LRRC8A: variants seen among roughly 807,000 people sequenced by gnomAD.
The protein encoded by LRRC8A is volume-regulated anion channel subunit LRRC8A.
A neutral mutation model predicts 52.5 loss-of-function variants in LRRC8A; 24 were observed. That is an observed-to-expected ratio of 0.46 (90% CI 0.33 to 0.64). LRRC8A has a LOEUF of 0.64. LRRC8A is among the 30% of genes least tolerant of loss of function. The probability of loss-of-function intolerance (pLI) is 0.02; values close to 1 mark genes in which losing one functional copy is unlikely to be tolerated. For missense variants in LRRC8A, 677 were observed against 1,094.7 expected, an observed-to-expected ratio of 0.62 and a Z score of 5.38; for synonymous variants, 492 against 494.2, an observed-to-expected ratio of 1.00 and a Z score of 0.06.
chr9:128,883,745 C>T (rs1165014349), intron 1 of LRRC8A, among the ~76,000 whole-genome samples: 5 of 152,120 alleles, frequency 3.3e-5, no homozygotes, highest in African/African-American at 7.2e-5. Flanking sequence ...GAGGCTGAAG[C>T]GGGCAGATCA....
At chr9:128,895,091 T>C (rs2130963637) in intron 2 of LRRC8A, among the ~76,000 whole-genome samples, 1 of 152,344 alleles carries the variant, frequency 6.6e-6, no homozygotes, top group Admixed American at 6.5e-5. Context: ...GTATTTGCCT[T>C]TTATGACTGG....
At position 128,899,303 on chromosome 9, in the gene LRRC8A, C is replaced by G. The variant is rs1037855626; in HGVS notation, c.-8-7854C>G. Among the ~76,000 whole-genome samples, 1 of 152,092 alleles carries G rather than the reference C, an allele frequency of 6.6e-6. No homozygotes were observed. The highest frequency in any genetic ancestry group is 1.5e-5 in the Non-Finnish European group (1 of 68,018). On this transcript the variant is annotated intron_variant, in intron 2 of 3. Transcript: ENST00000372600. The surrounding 1 kb of genome is among the most constrained non-coding windows in gnomAD (Gnocchi z 4.0). ...GCACTTTCCGTAAGGCAGAGATAGCCCAGCCACCCCCACCCCACGCCTCAA... is the reference window on the plus strand; with the variant it reads ...GCACTTTCCGTAAGGCAGAGATAGCGCAGCCACCCCCACCCCACGCCTCAA...
In LRRC8A at chr9:128,910,876, C is replaced by T. The variant is rs77711802; in HGVS notation, c.2157+1555C>T. Among the ~76,000 whole-genome samples the T allele has an allele frequency of 2.3e-3, 349 of 152,314 alleles. 9 individuals carry two copies. In the East Asian group the frequency reaches 0.051, roughly 22 times the overall value. On this transcript the variant is annotated intron_variant, in intron 3 of 3. Transcript: ENST00000372600. ...TCTGCAGCCTCCGTGTGGCAACCCG[C>T]GTTTCTTAGTTCGGTTGTTGCTGTT...
At chr9:128,883,198 C>G (rs1339095475) in intron 1 of LRRC8A, among the ~76,000 whole-genome samples, 1 of 152,178 alleles carries the variant, frequency 6.6e-6, no homozygotes, top group African/African-American at 2.4e-5. Flanking sequence ...TGCCCTACCT[C>G]AGGAAGCCTT....
At chr9:128,884,994 A>G (rs1839333543) in intron 1 of LRRC8A, 1 of 152,282 alleles carries the variant, frequency 6.6e-6, no homozygotes, top group African/African-American at 2.4e-5. Flanking sequence ...TCCCTCCTAG[A>G]TCAGTCCAGG....
chr9:128,896,063 C>G (rs983864001), intron 2 of LRRC8A, among the ~76,000 whole-genome samples: 3 of 152,222 alleles, frequency 2.0e-5, no homozygotes, highest in African/African-American at 7.2e-5. Context: ...AGTCCCTTCC[C>G]CATTTTCTTC....
intron 2 of LRRC8A, among the ~76,000 whole-genome samples, chr9:128,887,104 AT>A (rs34753031): frequency 0.054 from 7,991 of 146,806 alleles, 238 homozygotes; most frequent in Middle Eastern, 0.093. Context: ...AGAAATAGTA[AT>A]TTTTTTTTTT....
chr9:128,910,604 C>T (rs939902715), intron 3 of LRRC8A, among the ~76,000 whole-genome samples: 10 of 152,114 alleles, frequency 6.6e-5, no homozygotes, highest in African/African-American at 1.4e-4. Context: ...GAGGCAGGAT[C>T]GCTTCAGCCT....
Position 128,914,071 on chromosome 9 carries a change from G to A in LRRC8A, c.2158-2025G>A, listed in dbSNP as rs367904142. ...AATACAAAAATTAGCCGGGCATGGT[G>A]GTATGCGGCTGTAATCCCAGCTACT... On this transcript the variant is annotated intron_variant, in intron 3 of 3. Transcript: ENST00000372600. Among the ~76,000 whole-genome samples the A allele has an allele frequency of 3.9e-5, 6 of 152,236 alleles. No homozygotes were observed. In the East Asian group the frequency reaches 7.7e-4, roughly 20 times the overall value.
chr9:128,915,633 G>A (rs544022307), intron 3 of LRRC8A, among the ~76,000 whole-genome samples: 10 of 152,326 alleles, frequency 6.6e-5, no homozygotes, highest in African/African-American at 1.4e-4. Flanking sequence ...CCTAGGGGGT[G>A]GATTTTCTCA....
intron 2 of LRRC8A, among the ~76,000 whole-genome samples, chr9:128,889,790 G>C (rs980635411): frequency 6.6e-6 from 1 of 151,594 alleles, no homozygotes; most frequent in African/African-American, 2.4e-5. Context: ...ACTGCGCCTG[G>C]CCAATTTTTT....
chr9:128,891,087 A>G (rs1839598890), intron 2 of LRRC8A, among the ~76,000 whole-genome samples: 1 of 152,078 alleles, frequency 6.6e-6, no homozygotes, highest in South Asian at 2.1e-4. Flanking sequence ...CCTGGCCAAC[A>G]TGGTGAAACC....
In LRRC8A at chr9:128,882,213, G is replaced by A. The variant is rs1839059519; in HGVS notation, c.-153G>A. 6.5e-6 allele frequency: 1 copy of A among 153,252 alleles called. No individual in the cohort carries two copies. The highest frequency in any genetic ancestry group is 1.5e-5 in the Non-Finnish European group (1 of 68,678). The allele number at this position is 153,252 out of a possible 1,614,324, so 9.5% of individuals were successfully genotyped here. On this transcript the variant is annotated 5_prime_UTR_variant, in exon 1 of 4. Transcript: ENST00000372600. ...CGGCGGGACGGAGCGGCCGGGGCCT[G>A]GGGCTGCCTGCCGGGCGGCCGGGCG... is the stretch of plus-strand genomic sequence containing the variant.
intron 3 of LRRC8A, among the ~76,000 whole-genome samples, chr9:128,914,209 CG>C (rs1840699511): frequency 6.6e-6 from 1 of 150,614 alleles, no homozygotes; most frequent in East Asian, 2.0e-4. Context: ...CCCCCGCCCC[CG>C]CCCCCCAAAA....
At chr9:128,890,169 T>TGTGTGTGTGTGTGTGTGC (rs1491190172) in intron 2 of LRRC8A, among the ~76,000 whole-genome samples, 20 of 148,446 alleles carry the variant, frequency 1.3e-4, no homozygotes, top group Non-Finnish European at 2.1e-4. Flanking sequence ...TGTGTGTGTG[T>TGTGTGTGTGTGTGTGTGC]GCTGGGAAGG....
At chr9:128,897,851 C>T (rs949584783) in intron 2 of LRRC8A, among the ~76,000 whole-genome samples, 1 of 151,016 alleles carries the variant, frequency 6.6e-6, no homozygotes, top group Non-Finnish European at 1.5e-5. Flanking sequence ...GCAAAATAAT[C>T]TTTTTTCTTA....
Position 128,916,531 on chromosome 9 carries a change from A to C in LRRC8A, c.*160A>C. On this transcript the variant is annotated 3_prime_UTR_variant, in exon 4 of 4. Coordinates refer to ENST00000372600, the MANE Select transcript of LRRC8A (RefSeq NM_019594.4). The surrounding 1 kb of genome is among the most constrained non-coding windows in gnomAD (Gnocchi z 6.1). Reference sequence around the variant, plus strand: ...GTGAGTCAGGCCAGAGCGAGAGGACAGTATCTGTGGGGCTGGCCCCTTTTC... The same window carrying C: ...GTGAGTCAGGCCAGAGCGAGAGGACCGTATCTGTGGGGCTGGCCCCTTTTC... The C allele has an allele frequency of 2.2e-6, 2 of 901,040 alleles. No individual in the cohort carries two copies. Among genetic ancestry groups the C allele is most frequent in the Non-Finnish European group, 3.3e-6 (2 of 612,432 alleles). The allele number at this position is 901,040 out of a possible 1,614,324, so 55.8% of individuals were successfully genotyped here. A position where few individuals can be genotyped will look rare whatever the true frequency, so the allele number is the denominator to read the frequency against.
chr9:128,910,683 C>T (rs1840478445), intron 3 of LRRC8A, among the ~76,000 whole-genome samples: 1 of 152,136 alleles, frequency 6.6e-6, no homozygotes, highest in Non-Finnish European at 1.5e-5. Context: ...GAGTGAGACC[C>T]AGTCTCAAAG....
At position 128,908,500 on chromosome 9, in the gene LRRC8A, G is replaced by C. The variant is rs774386257; in HGVS notation, c.1336G>C (p.Val446Leu). The C allele has an allele frequency of 6.2e-7, 1 of 1,612,954 alleles. No individual in the cohort carries two copies. Among genetic ancestry groups the C allele is most frequent in the East Asian group, 2.2e-5 (1 of 44,856 alleles). The change falls in exon 3 of 4, where the codon GTG becomes CTG. Residue 446 changes from valine to leucine, a missense_variant. By Grantham distance (32) the Val-to-Leu change is conservative. This residue lies in a region of LRRC8A where 422 missense variants were observed against 741.5 expected (regional missense o/e 0.57). Transcript: ENST00000372600. Reference sequence around the variant, plus strand: ...CATCCCTGACACTGTGTTTGACCTGGTGGAGCTGGAGGTCCTCAAGCTGGA... The same window carrying C: ...CATCCCTGACACTGTGTTTGACCTGCTGGAGCTGGAGGTCCTCAAGCTGGA... ...SGIPDTVFDL[V>L]ELEVLKLELI...
Sources: gnomAD v4.1 joint callset for allele counts (sites outside exome capture counted in the v4.1 genomes callset) on GRCh38, gnomAD v4.1.1 for gene constraint, gnomAD v4.1.1 regional missense constraint, Gnocchi (gnomAD v3.1) non-coding constraint, MANE v1.5 for transcripts, NCBI Gene and HGNC (gene_info 2026-07-23, HGNC 2026-07-21) for gene names.